Variants in ATP6V0D2 observed in about 807,000 individuals in gnomAD.
The protein encoded by ATP6V0D2 is V-type proton ATPase subunit d 2.
ATP6V0D2 carries 40 observed loss-of-function variants against 40.0 expected under a neutral mutation model. The ratio of observed to expected loss-of-function variants is 1.00; its 90% confidence interval spans 0.78 to 1.30. The LOEUF (loss-of-function observed/expected upper bound fraction) is 1.30, where lower values mean the gene tolerates loss of function less well. ATP6V0D2 is among the 50% of genes most tolerant of loss of function. The pLI is 0.00. For synonymous variants in ATP6V0D2, 179 were observed against 156.3 expected (o/e 1.15, Z -1.08); for missense variants, 470 against 423.1 (o/e 1.11, Z -0.97).
intron 5 of ATP6V0D2, among the ~76,000 whole-genome samples, chr8:86,149,076 C>CAAAAAAAA (rs1563567503): frequency 8.7e-6 from 1 of 114,920 alleles, no homozygotes; most frequent in Non-Finnish European, 1.7e-5. Context: ...AAAAAAAAAA[C>CAAAAAAAA]CAATGAACAA....
Position 86,127,250 on chromosome 8 carries a change from T to C in ATP6V0D2, c.303-12207T>C, listed in dbSNP as rs1354122775. Among the ~76,000 whole-genome samples, 4 of 152,324 alleles carry C rather than the reference T, an allele frequency of 2.6e-5. No individual in the cohort carries two copies. In the East Asian group the frequency reaches 7.7e-4, roughly 29 times the overall value. On this transcript the variant is annotated intron_variant, in intron 2 of 7. Transcript: ENST00000285393. The stretch of plus-strand genomic sequence containing the variant: ...CCATGTAAGCATATGTGGTTAGTGC[T>C]GGATTGAACAAATCCACAGTATAAC...
At chr8:86,126,447 A>C (rs563779410) in intron 2 of ATP6V0D2, among the ~76,000 whole-genome samples, 7 of 151,388 alleles carry the variant, frequency 4.6e-5, no homozygotes, top group Middle Eastern at 3.4e-3. Flanking sequence ...GTTATTTATT[A>C]TCTGTAAATA....
intron 1 of ATP6V0D2, among the ~76,000 whole-genome samples, chr8:86,104,068 T>C (rs1219783551): frequency 6.6e-6 from 1 of 152,016 alleles, no homozygotes; most frequent in East Asian, 1.9e-4. Flanking sequence ...CCTCAAGTGA[T>C]CCACCCACCT....
At chr8:86,132,897 C>G (rs1419015630) in intron 2 of ATP6V0D2, among the ~76,000 whole-genome samples, 1 of 152,094 alleles carries the variant, frequency 6.6e-6, no homozygotes, top group Non-Finnish European at 1.5e-5. Flanking sequence ...TTTGAGGTAT[C>G]TTCCTACTGT....
chr8:86,109,703 A>T (rs1818508484), intron 1 of ATP6V0D2, among the ~76,000 whole-genome samples: 1 of 152,250 alleles, frequency 6.6e-6, no homozygotes, highest in South Asian at 2.1e-4. Context: ...TTGCATAAAA[A>T]TCTGAAATGC....
chr8:86,104,224 A>T lies in ATP6V0D2; in HGVS notation c.130+5116A>T, dbSNP rs551585531. On this transcript the variant is annotated intron_variant, in intron 1 of 7. Transcript: ENST00000285393. ...TCATTTTTTAAAATTTATTTTTTTAATAGAGACAGGGTCTTATGTTGCCCA... is the reference window on the plus strand; with the variant it reads ...TCATTTTTTAAAATTTATTTTTTTATTAGAGACAGGGTCTTATGTTGCCCA... 1.6e-4 allele frequency among the ~76,000 whole-genome samples: 25 copies of T among 152,234 alleles called. 1 individual carries two copies. The South Asian group carries it at 5.2e-3, about 32-fold the overall frequency.
At chr8:86,131,224 G>A (rs770686663) in intron 2 of ATP6V0D2, among the ~76,000 whole-genome samples, 11 of 152,040 alleles carry the variant, frequency 7.2e-5, no homozygotes, top group Admixed American at 2.6e-4. Flanking sequence ...TGGGGGGAAC[G>A]AAGTCTCACT....
Position 86,147,510 on chromosome 8 carries a change from A to G in ATP6V0D2, c.640-2602A>G, listed in dbSNP as rs189848575. ...AAGTCACACTAACACCAGCCCATTC[A>G]GTCTCCTCTAATCAAATGCGTGTCA... is the stretch of plus-strand genomic sequence containing the variant. On this transcript the variant is annotated intron_variant, in intron 5 of 7. Coordinates refer to ENST00000285393, the MANE Select transcript of ATP6V0D2 (RefSeq NM_152565.1). Among the ~76,000 whole-genome samples, 200 of 152,290 alleles carry G rather than the reference A, an allele frequency of 1.3e-3. 2 individuals carry two copies. Among genetic ancestry groups the G allele is most frequent in the South Asian group, 0.012 (59 of 4,824 alleles).
At chr8:86,123,083 A>G (rs1818694911) in intron 2 of ATP6V0D2, among the ~76,000 whole-genome samples, 2 of 152,182 alleles carry the variant, frequency 1.3e-5, no homozygotes, top group African/African-American at 4.8e-5. Context: ...GCCATGTGAT[A>G]GAGTGGTTGA....
At chr8:86,110,458 A>G (rs1818517172) in intron 1 of ATP6V0D2, among the ~76,000 whole-genome samples, 1 of 152,230 alleles carries the variant, frequency 6.6e-6, no homozygotes, top group Non-Finnish European at 1.5e-5. Flanking sequence ...TGAGGCAGAA[A>G]TAGTTCAGTA....
At chr8:86,104,878 C>CACACACACAT (rs928397464) in intron 1 of ATP6V0D2, among the ~76,000 whole-genome samples, 191 of 151,744 alleles carry the variant, frequency 1.3e-3, no homozygotes, top group African/African-American at 4.5e-3. Context: ...CACACACACA[C>CACACACACAT]ATCAAGAGCT....
At chr8:86,132,391 T>A (rs1244555073) in intron 2 of ATP6V0D2, among the ~76,000 whole-genome samples, 1 of 152,144 alleles carries the variant, frequency 6.6e-6, no homozygotes, top group Non-Finnish European at 1.5e-5. Flanking sequence ...CTATAGTCAC[T>A]CTGCTCTTAT....
At chr8:86,123,242 C>T (rs1007974744) in intron 2 of ATP6V0D2, among the ~76,000 whole-genome samples, 1 of 152,182 alleles carries the variant, frequency 6.6e-6, no homozygotes. Flanking sequence ...TATTATGCTG[C>T]TTTCCTGGGG....
chr8:86,151,670 C>T, intron 7 of ATP6V0D2, 130 bp downstream of exon 7: 1 of 657,938 alleles, frequency 1.5e-6, no homozygotes, highest in Non-Finnish European at 2.6e-6. Context: ...GCTTGATAGT[C>T]AGTGATGTAT....
intron 5 of ATP6V0D2, among the ~76,000 whole-genome samples, chr8:86,148,140 A>C (rs1476567516): frequency 1.3e-5 from 2 of 152,186 alleles, no homozygotes; most frequent in Non-Finnish European, 2.9e-5. Flanking sequence ...GAGCACATTA[A>C]AGAACATCTA....
At chr8:86,123,649 C>G (rs1818702234) in intron 2 of ATP6V0D2, among the ~76,000 whole-genome samples, 1 of 151,948 alleles carries the variant, frequency 6.6e-6, no homozygotes, top group Non-Finnish European at 1.5e-5. Context: ...GACAATAATT[C>G]CTGGGAATTC....
chr8:86,130,063 C>A (rs1818801748), intron 2 of ATP6V0D2, among the ~76,000 whole-genome samples: 1 of 151,922 alleles, frequency 6.6e-6, no homozygotes, highest in Non-Finnish European at 1.5e-5. Context: ...TTTCCTCATC[C>A]CACTTCGGTC....
At chr8:86,103,050 C>A (rs1248067894) in intron 1 of ATP6V0D2, among the ~76,000 whole-genome samples, 1 of 152,050 alleles carries the variant, frequency 6.6e-6, no homozygotes, top group Non-Finnish European at 1.5e-5. Context: ...AGTAAATAAT[C>A]TTTTCTAAAA....
intron 2 of ATP6V0D2, among the ~76,000 whole-genome samples, chr8:86,124,065 T>G (rs931958018): frequency 6.6e-6 from 1 of 152,160 alleles, no homozygotes; most frequent in Admixed American, 6.6e-5. Context: ...GACACCACCA[T>G]GCCCTTGTGA....
Sources: gnomAD v4.1 joint callset for allele counts (sites outside exome capture counted in the v4.1 genomes callset) on GRCh38, gnomAD v4.1.1 for gene constraint, MANE v1.5 for transcripts, NCBI Gene and HGNC (gene_info 2026-07-23, HGNC 2026-07-21) for gene names.